PRIM2: variants seen among roughly 807,000 people sequenced by gnomAD.
PRIM2 encodes the protein DNA primase large subunit.
A neutral mutation model predicts 67.3 loss-of-function variants in PRIM2; 39 were observed. That is an observed-to-expected ratio of 0.58 (90% CI 0.45 to 0.76). The LOEUF is 0.76. Ranked by LOEUF, PRIM2 falls within the 30% of genes least tolerant of loss-of-function variation. The pLI, the probability that PRIM2 is intolerant of heterozygous loss-of-function variation, is 0.00. For missense variants in PRIM2, 398 were observed against 598.7 expected (o/e 0.66, Z 3.50); for synonymous variants, 143 against 198.7 (o/e 0.72, Z 2.36).
the PRIM2 span, among the ~76,000 whole-genome samples, chr6:57,290,334 G>GCA: frequency 1.3e-5 from 2 of 152,218 alleles, no homozygotes; most frequent in South Asian, 4.2e-4. Context: ...ACCCAATACA[G>GCA]GGACACCCAG....
chr6:57,494,325 A>T (rs1464936967), intron 7 of PRIM2, among the ~76,000 whole-genome samples: 2 of 152,178 alleles, frequency 1.3e-5, no homozygotes, highest in African/African-American at 4.8e-5. Context: ...ATTGTTTTTT[A>T]AAAAACTTAT....
At chr6:57,450,382 A>T (rs1772504375) in intron 7 of PRIM2, among the ~76,000 whole-genome samples, 1 of 152,188 alleles carries the variant, frequency 6.6e-6, no homozygotes, top group Non-Finnish European at 1.5e-5. Context: ...TTGCTTCACT[A>T]CTGTACCATA....
intron 7 of PRIM2, among the ~76,000 whole-genome samples, chr6:57,465,964 C>T (rs1235345644): frequency 3.3e-5 from 5 of 152,012 alleles, no homozygotes; most frequent in Non-Finnish European, 7.4e-5. Flanking sequence ...AATGCTATCC[C>T]TCCCCCAGCT....
intron 7 of PRIM2, among the ~76,000 whole-genome samples, chr6:57,495,644 C>G (rs1230082707): frequency 6.6e-6 from 1 of 152,166 alleles, no homozygotes; most frequent in Non-Finnish European, 1.5e-5. Flanking sequence ...AAGTGCATTT[C>G]CAAGGACTAT....
At chr6:57,533,456 C>G (rs1345611264) in intron 9 of PRIM2, among the ~76,000 whole-genome samples, 226 of 152,250 alleles carry the variant, frequency 1.5e-3, no homozygotes, top group African/African-American at 5.1e-3. Flanking sequence ...AGGTCGTCTT[C>G]CATTTGAAAA....
chr6:57,642,420 C>G (rs1376448140), intron 13 of PRIM2, among the ~76,000 whole-genome samples: 66 of 143,900 alleles, frequency 4.6e-4, no homozygotes, highest in African/African-American at 1.7e-3. Context: ...TATGCACATA[C>G]CTTAAATATT....
chr6:57,287,830 A>C, the PRIM2 span, among the ~76,000 whole-genome samples: 1 of 152,078 alleles, frequency 6.6e-6, no homozygotes, highest in South Asian at 2.1e-4. Context: ...ATAGGAACAG[A>C]TCTGGTCTGC....
At chr6:57,432,882 T>C (rs759399272) in intron 7 of PRIM2, among the ~76,000 whole-genome samples, 2 of 152,240 alleles carry the variant, frequency 1.3e-5, no homozygotes, top group Non-Finnish European at 2.9e-5. Context: ...CTCCATATCA[T>C]AATCTAAACA....
chr6:57,265,059 T>C, the PRIM2 span, among the ~76,000 whole-genome samples: 119 of 152,350 alleles, frequency 7.8e-4, 1 homozygote, highest in African/African-American at 2.7e-3. Context: ...GTGATTAATG[T>C]ATGTGAAAGC....
At chr6:57,296,386 G>A in the PRIM2 span, among the ~76,000 whole-genome samples, 2 of 151,852 alleles carry the variant, frequency 1.3e-5, no homozygotes, top group Non-Finnish European at 2.9e-5. Context: ...GACAAAGAAG[G>A]TCTGTAAATA....
intron 5 of PRIM2, among the ~76,000 whole-genome samples, chr6:57,368,957 C>T (rs1430110082): frequency 1.3e-5 from 2 of 152,160 alleles, no homozygotes; most frequent in Non-Finnish European, 2.9e-5. Flanking sequence ...CGGAACTTCA[C>T]CAGTTGCTGC....
At chr6:57,382,314 AT>A in intron 7 of PRIM2, 146 bp downstream of exon 7, 1 of 924,632 alleles carries the variant, frequency 1.1e-6, no homozygotes, top group South Asian at 3.1e-5. Context: ...TGTACTGTTA[AT>A]CCCAAAATTC....
At chr6:57,520,325 G>T (rs1554348788) in intron 8 of PRIM2, among the ~76,000 whole-genome samples, 1 of 152,078 alleles carries the variant, frequency 6.6e-6, no homozygotes, top group African/African-American at 2.4e-5. Context: ...TCATTTTAAC[G>T]TATTAATTTT....
intron 7 of PRIM2, among the ~76,000 whole-genome samples, chr6:57,443,905 G>GT (rs1772280627): frequency 6.6e-6 from 1 of 151,938 alleles, no homozygotes; most frequent in South Asian, 2.1e-4. Flanking sequence ...CTGGTCTTAT[G>GT]TTTAAGTCTT....
At chr6:57,618,891 C>T (rs1776801035) in intron 12 of PRIM2, among the ~76,000 whole-genome samples, 2 of 152,196 alleles carry the variant, frequency 1.3e-5, no homozygotes, top group South Asian at 2.1e-4. Context: ...TCTAGGGCCC[C>T]ACCCACTGCC....
At chr6:57,541,414 T>C (rs1333603728) in intron 10 of PRIM2, among the ~76,000 whole-genome samples, 4 of 152,106 alleles carry the variant, frequency 2.6e-5, no homozygotes, top group African/African-American at 4.8e-5. Context: ...AATTTTTTTT[T>C]CTCCAATTTA....
intron 7 of PRIM2, among the ~76,000 whole-genome samples, chr6:57,495,934 A>T (rs1199201434): frequency 1.3e-5 from 2 of 151,662 alleles, no homozygotes; most frequent in Non-Finnish European, 2.9e-5. Context: ...TTTAGTGGAG[A>T]TGAAGTCTTG....
intron 7 of PRIM2, among the ~76,000 whole-genome samples, chr6:57,492,542 TA>T (rs1446103302): frequency 0.074 from 10,840 of 146,722 alleles, 549 homozygotes; most frequent in East Asian, 0.22. Context: ...GAACTCTCTC[TA>T]AAAAAAAAAA....
the PRIM2 span, among the ~76,000 whole-genome samples, chr6:57,282,165 C>T: frequency 3.3e-5 from 5 of 152,126 alleles, no homozygotes; most frequent in African/African-American, 7.2e-5. Context: ...CATTTTCATC[C>T]TCTGTCATTT....
Sources: allele counts gnomAD v4.1 joint callset (sites outside exome capture counted in the v4.1 genomes callset), GRCh38; gene constraint gnomAD v4.1.1; transcripts MANE v1.5; gene names NCBI Gene and HGNC (gene_info 2026-07-23, HGNC 2026-07-21).